The following MED12L variants were observed in gnomAD, a reference collection of about 807,000 sequenced individuals.
MED12L encodes the protein mediator complex subunit 12L.
In MED12L, 60 loss-of-function variants were observed where a neutral mutation model predicts 281.3. That is an observed-to-expected ratio of 0.21 (90% confidence interval 0.17 to 0.26). The LOEUF is 0.26. Among genes scored for constraint, MED12L ranks in the 10% least tolerant of loss-of-function variants. The pLI is 1.00. For missense variants in MED12L, 2,146 were observed against 2,680.9 expected, an observed-to-expected ratio of 0.80 and a Z score of 4.41; for synonymous variants, 974 against 987.2, an observed-to-expected ratio of 0.99 and a Z score of 0.25.
chr3:151,292,405 G>C (rs945083349), intron 16 of MED12L, among the ~76,000 whole-genome samples: 27 of 151,330 alleles, frequency 1.8e-4, no homozygotes, highest in Admixed American at 9.9e-4. Flanking sequence ...TCCTGCCTCA[G>C]CCTTCTAAGT....
chr3:151,322,388 G>T (rs1020528054), intron 16 of MED12L, among the ~76,000 whole-genome samples: 2 of 151,754 alleles, frequency 1.3e-5, no homozygotes, highest in Admixed American at 1.3e-4. Context: ...GTAGAGTTGC[G>T]GTTTTACCAT....
chr3:151,410,356 G>A (rs1716803115), intron 40 of MED12L, among the ~76,000 whole-genome samples: 1 of 152,226 alleles, frequency 6.6e-6, no homozygotes, highest in Admixed American at 6.5e-5. Context: ...TATGTCCACA[G>A]CTGAAAGAAA....
chr3:151,241,076 T>C (rs533800069), intron 16 of MED12L, among the ~76,000 whole-genome samples: 1 of 152,014 alleles, frequency 6.6e-6, no homozygotes, highest in East Asian at 1.9e-4. Context: ...CTCATGGGAG[T>C]TTAGTACTTG....
intron 16 of MED12L, among the ~76,000 whole-genome samples, chr3:151,230,479 C>G (rs979826358): frequency 2.6e-5 from 4 of 152,114 alleles, no homozygotes; most frequent in Non-Finnish European, 5.9e-5. Context: ...GATAAACACT[C>G]CTTTCTCGTT....
At chr3:151,280,431 A>G (rs1047905579) in intron 16 of MED12L, among the ~76,000 whole-genome samples, 1 of 152,190 alleles carries the variant, frequency 6.6e-6, no homozygotes, top group African/African-American at 2.4e-5. Context: ...CTTAATAGAC[A>G]AGGAAACTGA....
chr3:151,167,836 T>A (rs139508994), intron 11 of MED12L, among the ~76,000 whole-genome samples: 56 of 152,332 alleles, frequency 3.7e-4, no homozygotes, highest in African/African-American at 1.3e-3. Context: ...CTAAGATTTT[T>A]AATACATATA....
intron 2 of MED12L, among the ~76,000 whole-genome samples, chr3:151,103,238 A>G (rs1365334583): frequency 3.3e-5 from 5 of 152,230 alleles, no homozygotes; most frequent in African/African-American, 7.2e-5. Flanking sequence ...GCAGTTTCCT[A>G]GATTTTTTTT....
chr3:151,111,362 AT>A (rs959240322), intron 2 of MED12L, among the ~76,000 whole-genome samples: 2 of 151,106 alleles, frequency 1.3e-5, no homozygotes, highest in African/African-American at 2.4e-5. Context: ...TCTGGGCTTT[AT>A]TTTTTTTTGA....
intron 16 of MED12L, among the ~76,000 whole-genome samples, chr3:151,252,414 C>T (rs2149456124): frequency 6.6e-6 from 1 of 152,234 alleles, no homozygotes; most frequent in African/African-American, 2.4e-5. Flanking sequence ...GGCATAAATA[C>T]TGATTTTTAA....
At chr3:151,418,978 G>T (rs544932899) in intron 43 of MED12L, among the ~76,000 whole-genome samples, 2 of 152,180 alleles carry the variant, frequency 1.3e-5, no homozygotes, top group East Asian at 3.9e-4. Context: ...ACCCAAAATC[G>T]CTTCAAGCAT....
At chr3:151,362,514 T>A (rs1754735436) in intron 21 of MED12L, among the ~76,000 whole-genome samples, 1 of 152,040 alleles carries the variant, frequency 6.6e-6, no homozygotes. Context: ...CACGACTGTC[T>A]CCCTGAGCAC....
intron 16 of MED12L, chr3:151,241,747 A>G (rs1189280440): frequency 2.0e-5 from 3 of 151,974 alleles, no homozygotes; most frequent in Non-Finnish European, 4.4e-5. Flanking sequence ...ACTGGCAAGA[A>G]AGTTGGGAGG....
chr3:151,385,720 G>GA (rs1560110144), intron 36 of MED12L, among the ~76,000 whole-genome samples: 773 of 58,392 alleles, frequency 0.013, 6 homozygotes, highest in African/African-American at 0.027. Context: ...CTCTGGGGGG[G>GA]GAAAAAAAAA....
chr3:151,111,880 G>A (rs79005769), intron 2 of MED12L, among the ~76,000 whole-genome samples: 2,458 of 152,226 alleles, frequency 0.016, 42 homozygotes, highest in African/African-American at 0.049. Context: ...CATTGAGTGG[G>A]TGGGGCTGTC....
Position 151,086,845 on chromosome 3 carries a change from T to A in MED12L, c.-82T>A. ...AGGAGGGGGAGAGAGGGAGTCTGTC[T>A]GCAAAGTGCTGCTCCCTGGTGCTCA... On this transcript the variant is annotated 5_prime_UTR_variant, in exon 2 of 45. Coordinates refer to ENST00000687756, the MANE Select transcript of MED12L (RefSeq NM_001393769.1). 9.0e-7 allele frequency: 1 copy of A among 1,113,642 alleles called. No homozygotes were observed. The highest frequency in any genetic ancestry group is 1.3e-6 in the Non-Finnish European group (1 of 782,662). 69.0% of individuals were successfully genotyped at this position (1,113,642 alleles called of 1,614,324 possible).
chr3:151,371,206 C>T (rs1316253014), intron 26 of MED12L, among the ~76,000 whole-genome samples: 1 of 152,006 alleles, frequency 6.6e-6, no homozygotes, highest in Non-Finnish European at 1.5e-5. Flanking sequence ...CCTACCATGC[C>T]CTAACCAACT....
chr3:151,212,969 T>A, intron 16 of MED12L: 2 of 159,676 alleles, frequency 1.3e-5, no homozygotes, highest in Admixed American at 6.4e-5. Flanking sequence ...TATGTTGTGT[T>A]TTATTTACTA....
At chr3:151,308,774 T>C (rs1005904123) in intron 16 of MED12L, among the ~76,000 whole-genome samples, 1 of 152,184 alleles carries the variant, frequency 6.6e-6, no homozygotes, top group South Asian at 2.1e-4. Context: ...GGCTGTGGGA[T>C]ATGGTGCAAG....
intron 43 of MED12L, among the ~76,000 whole-genome samples, chr3:151,428,425 A>G (rs1719103015): frequency 6.6e-6 from 1 of 152,224 alleles, no homozygotes; most frequent in Non-Finnish European, 1.5e-5. Context: ...TGTATTGGGG[A>G]AAATAGTAAC....
Sources: gnomAD v4.1 joint callset for allele counts (sites outside exome capture counted in the v4.1 genomes callset) on GRCh38, gnomAD v4.1.1 for gene constraint, MANE v1.5 for transcripts, NCBI Gene and HGNC (gene_info 2026-07-23, HGNC 2026-07-21) for gene names.